The following MAP3K15 variants were observed in gnomAD, a reference collection of about 807,000 sequenced individuals.
MAP3K15 encodes mitogen-activated protein kinase kinase kinase 15.
Under a neutral mutation model 99.5 loss-of-function variants are expected in MAP3K15, and 124 were observed. The observed-to-expected ratio is 1.25, with a 90% CI of 1.08 to 1.45. The LOEUF (loss-of-function observed/expected upper bound fraction) is 1.45, where lower values mean the gene tolerates loss of function less well. MAP3K15 is among the 40% of genes most tolerant of loss of function. The pLI, the probability that MAP3K15 is intolerant of heterozygous loss-of-function variation, is 0.00. For synonymous variants in MAP3K15, 494 were observed against 439.6 expected (o/e 1.12, Z -1.55); for missense variants, 1,242 against 1,079.7 (o/e 1.15, Z -2.11).
chrX:19,374,892 G>C (rs2063406550), intron 19 of MAP3K15, among the ~76,000 whole-genome samples: 2 of 111,780 alleles, frequency 1.8e-5, no homozygotes, highest in South Asian at 7.6e-4. Flanking sequence ...GTGACATGGT[G>C]AGAGTTTCAG....
chrX:19,474,485 C>T (rs1371984150), intron 3 of MAP3K15, among the ~76,000 whole-genome samples: 2 of 81,480 alleles, frequency 2.5e-5, no homozygotes, highest in African/African-American at 9.5e-5. Flanking sequence ...TCTCTATGTG[C>T]AATAGTTCTA....
In MAP3K15 at chrX:19,488,876, ATTAT is replaced by A. The variant is rs1569241387; in HGVS notation, c.449_452del (p.Asn150MetfsTer2). On this transcript the variant is annotated frameshift_variant, in exon 2 of 29. Coordinates refer to ENST00000338883, the MANE Select transcript of MAP3K15 (RefSeq NM_001001671.4). LOFTEE classifies it high-confidence loss of function. ...CATCGGTGTCATGGTACAAGATCACATTATTGGCCATGTCAAAGCTTTCTCGGAC... is the reference window on the plus strand; with the variant it reads ...CATCGGTGTCATGGTACAAGATCACATGGCCATGTCAAAGCTTTCTCGGAC... 8.3e-7 allele frequency: 1 copy of A among 1,199,603 alleles called. No homozygotes were observed. The highest frequency in any genetic ancestry group is 1.7e-5 in the African/African-American group (1 of 57,740).
At chrX:19,432,655 C>G (rs1311100856) in intron 6 of MAP3K15, among the ~76,000 whole-genome samples, 1 of 109,821 alleles carries the variant, frequency 9.1e-6, no homozygotes, top group Admixed American at 9.7e-5. Flanking sequence ...TAATATAAAA[C>G]CTAAAAACTG....
At chrX:19,364,629 G>A (rs1282976639) in intron 25 of MAP3K15, among the ~76,000 whole-genome samples, 5 of 111,319 alleles carry the variant, frequency 4.5e-5, no homozygotes, top group African/African-American at 9.8e-5. Flanking sequence ...GGCCGGGTGC[G>A]GCAGCTCAAG....
chrX:19,507,632 C>T (rs2064488198), intron 1 of MAP3K15, among the ~76,000 whole-genome samples: 1 of 83,761 alleles, frequency 1.2e-5, no homozygotes, highest in African/African-American at 4.7e-5. Context: ...ATAAACTCAA[C>T]CCTAATGTAA....
intron 18 of MAP3K15, among the ~76,000 whole-genome samples, chrX:19,381,277 G>A (rs2063456385): frequency 2.7e-5 from 3 of 111,620 alleles, no homozygotes; most frequent in Non-Finnish European, 5.7e-5. Context: ...AGGGCCGGCT[G>A]CGGACCACAT....
In MAP3K15 at chrX:19,361,396, G is replaced by A; in HGVS notation, c.3800C>T (p.Thr1267Ile). ...TIEKIVEEGYTLSDILNEITK... is the reference protein window; with the variant it reads ...TIEKIVEEGYILSDILNEITK... The stretch of plus-strand genomic sequence containing the variant: ...GATCTCATTAAGAATATCCGAAAGT[G>A]TATAACCCTCTTCAACAATCTGAAA... Residue 1267 changes from threonine (T) to isoleucine (I), a missense_variant, in exon 28 of 29, where the codon ACA becomes ATA. Coordinates refer to ENST00000338883, the MANE Select transcript of MAP3K15 (RefSeq NM_001001671.4). 8.3e-7 allele frequency: 1 copy of A among 1,208,313 alleles called. No individual in the cohort carries two copies. Among genetic ancestry groups the A allele is most frequent in the Non-Finnish European group, 1.1e-6 (1 of 892,244 alleles).
chrX:19,404,418 T>C (rs1377648599), intron 13 of MAP3K15, among the ~76,000 whole-genome samples: 1 of 112,060 alleles, frequency 8.9e-6, no homozygotes, highest in African/African-American at 3.2e-5. Context: ...AATATGGCAA[T>C]GCTCTCCAAA....
intron 1 of MAP3K15, among the ~76,000 whole-genome samples, 179 bp from the exon 2 acceptor site, chrX:19,489,146 A>T (rs765990061): frequency 8.1e-5 from 9 of 111,561 alleles, no homozygotes; most frequent in Non-Finnish European, 1.5e-4. Flanking sequence ...TGCAGTAAGA[A>T]TTTTTTTTAA....
At chrX:19,389,964 C>G (rs762266998) in intron 18 of MAP3K15, among the ~76,000 whole-genome samples, 2 of 112,084 alleles carry the variant, frequency 1.8e-5, no homozygotes, top group East Asian at 5.6e-4. Context: ...AATGAAAATT[C>G]AATGCACTCT....
At chrX:19,494,971 C>T (rs1238359166) in intron 1 of MAP3K15, among the ~76,000 whole-genome samples, 1 of 110,805 alleles carries the variant, frequency 9.0e-6, no homozygotes, top group Non-Finnish European at 1.9e-5. Context: ...CTGCTTATTT[C>T]CAACATACTC....
At chrX:19,410,018 A>G in intron 11 of MAP3K15, 45 bp from the exon 12 acceptor site, 1 of 1,102,739 alleles carries the variant, frequency 9.1e-7, no homozygotes, top group South Asian at 1.9e-5. Flanking sequence ...AGTTTTTTAA[A>G]GCAAATGATT....
At position 19,426,727 on chromosome X, in the gene MAP3K15, G is replaced by A. The variant is rs187427513; in HGVS notation, c.1167-384C>T. On this transcript the variant is annotated intron_variant, in intron 7 of 28. Transcript: ENST00000338883. ...AGCTACTCGGGAGGCTGAGGCAGGAGAATTAGCTTGAACCCGGGAGGTGGA... is the reference window on the plus strand; with the variant it reads ...AGCTACTCGGGAGGCTGAGGCAGGAAAATTAGCTTGAACCCGGGAGGTGGA... 3.2e-4 allele frequency among the ~76,000 whole-genome samples: 32 copies of A among 100,448 alleles called. No individual in the cohort carries two copies. In the East Asian group the frequency reaches 6.1e-3, roughly 19 times the overall value. The allele number at this position is 100,448 out of a possible 115,157, so 87.2% of individuals were successfully genotyped here. A position where few individuals can be genotyped will look rare whatever the true frequency, so the allele number is the denominator to read the frequency against.
At chrX:19,462,058 C>T (rs886962872) in intron 4 of MAP3K15, among the ~76,000 whole-genome samples, 1 of 108,968 alleles carries the variant, frequency 9.2e-6, no homozygotes, top group Non-Finnish European at 1.9e-5. Context: ...CTGAAATGGA[C>T]TAACTGCAGA....
intron 11 of MAP3K15, among the ~76,000 whole-genome samples, chrX:19,412,040 G>A (rs1158279501): frequency 1.8e-5 from 2 of 111,934 alleles, no homozygotes; most frequent in Non-Finnish European, 3.8e-5. Flanking sequence ...ATGCAGAGAG[G>A]ATAGTGGCAG....
chrX:19,465,794 T>C lies in MAP3K15; in HGVS notation c.526-1388A>G, dbSNP rs1458319212. Among the ~76,000 whole-genome samples, 4 of 104,373 alleles carry C rather than the reference T, an allele frequency of 3.8e-5. No homozygotes were observed. The Admixed American group carries it at 4.2e-4, about 11-fold the overall frequency. 90.6% of individuals were successfully genotyped at this position (104,373 alleles called of 115,157 possible). A position where few individuals can be genotyped will look rare whatever the true frequency, so the allele number is the denominator to read the frequency against. ...AAACCAAAACCCACAAATACCAGTG[T>C]TGTAAGTAGAAAGGGTAAAAATTCA... On this transcript the variant is annotated intron_variant, in intron 3 of 28. Coordinates refer to ENST00000338883, the MANE Select transcript of MAP3K15 (RefSeq NM_001001671.4).
intron 25 of MAP3K15, among the ~76,000 whole-genome samples, chrX:19,365,706 T>A (rs1230378311): frequency 9.0e-6 from 1 of 111,662 alleles, no homozygotes; most frequent in Admixed American, 9.5e-5. Flanking sequence ...AACTAAGCTT[T>A]ATTGAAATTA....
intron 25 of MAP3K15, among the ~76,000 whole-genome samples, chrX:19,367,478 A>C (rs2063342267): frequency 9.0e-6 from 1 of 110,583 alleles, no homozygotes; most frequent in Non-Finnish European, 1.9e-5. Context: ...AAAAAAAAAA[A>C]AAACTTTCAA....
chrX:19,418,099 G>C (rs993583693), intron 9 of MAP3K15, among the ~76,000 whole-genome samples: 1 of 111,736 alleles, frequency 8.9e-6, no homozygotes, highest in East Asian at 2.8e-4. Context: ...GGAAGAAACA[G>C]AGCAGAAAAA....
Sources: allele counts gnomAD v4.1 joint callset (sites outside exome capture counted in the v4.1 genomes callset), GRCh38; gene constraint gnomAD v4.1.1; transcripts MANE v1.5; gene names NCBI Gene and HGNC (gene_info 2026-07-23, HGNC 2026-07-21).